Variants in ANKS1B observed in about 807,000 individuals in gnomAD.
ANKS1B encodes ankyrin repeat and sterile alpha motif domain-containing protein 1B.
In ANKS1B, 36 loss-of-function variants were observed where a neutral mutation model predicts 148.3. The ratio of observed to expected loss-of-function variants is 0.24; its 90% CI spans 0.19 to 0.32. The LOEUF (loss-of-function observed/expected upper bound fraction) is 0.32, where lower values mean the gene tolerates loss of function less well. Ranked by LOEUF, ANKS1B falls within the 10% of genes least tolerant of loss-of-function variation. ANKS1B has a pLI of 1.00. For synonymous variants in ANKS1B, 542 were observed against 560.8 expected, an observed-to-expected ratio of 0.97 and a Z score of 0.47; for missense variants, 1,157 against 1,542.6, an observed-to-expected ratio of 0.75 and a Z score of 4.19.
chr12:98,952,832 C>T (rs1343547344), intron 17 of ANKS1B, among the ~76,000 whole-genome samples: 1 of 152,136 alleles, frequency 6.6e-6, no homozygotes. Flanking sequence ...CCTAGTCATC[C>T]AAGTTCAAAA....
chr12:99,393,529 G>A lies in ANKS1B; in HGVS notation c.1756+6102C>T, dbSNP rs12582088. On this transcript the variant is annotated intron_variant, in intron 12 of 26. Coordinates refer to ENST00000683438, the MANE Select transcript of ANKS1B (RefSeq NM_001352186.2). Reference sequence around the variant, plus strand: ...ATTAAATATTATGAACGCAGTGAATGTTATGTCTTTAGAAGTATCAAACAT... The same window carrying A: ...ATTAAATATTATGAACGCAGTGAATATTATGTCTTTAGAAGTATCAAACAT... 3.7e-3 allele frequency among the ~76,000 whole-genome samples: 569 copies of A among 152,292 alleles called. 34 individuals carry two copies. The East Asian group carries it at 0.087, about 23-fold the overall frequency.
chr12:98,984,722 GT>G (rs751561563), intron 17 of ANKS1B, among the ~76,000 whole-genome samples: 6 of 151,976 alleles, frequency 3.9e-5, no homozygotes, highest in Non-Finnish European at 8.8e-5. Context: ...ATTTTAATGG[GT>G]TTTCTGTGGC....
At position 99,669,322 on chromosome 12, in the gene ANKS1B, C is replaced by T. The variant is rs1342415885; in HGVS notation, c.1129-14112G>A. The stretch of plus-strand genomic sequence containing the variant: ...AGTAGCTGGGACTACAGGAATGTCC[C>T]ACCACACTTGGCTCTGAGTGTAGTT... On this transcript the variant is annotated intron_variant, in intron 8 of 26. Transcript: ENST00000683438. Among the ~76,000 whole-genome samples the T allele has an allele frequency of 3.3e-5, 5 of 152,160 alleles. No individual in the cohort carries two copies. The South Asian group carries it at 1.0e-3, about 32-fold the overall frequency.
intron 17 of ANKS1B, among the ~76,000 whole-genome samples, chr12:98,990,329 C>T (rs1304903455): frequency 3.3e-5 from 5 of 151,558 alleles, no homozygotes; most frequent in African/African-American, 4.9e-5. Flanking sequence ...GGTACGGAAA[C>T]GCTACTGATT....
Position 99,841,277 on chromosome 12 carries a change from A to G in ANKS1B, c.135-15888T>C, listed in dbSNP as rs12579884. The stretch of plus-strand genomic sequence containing the variant: ...TTGTGGTTTGTTAAATTTATTTAGG[A>G]TATCTTTCACGATGGTCATACAGCT... On this transcript the variant is annotated intron_variant, in intron 1 of 26. Transcript: ENST00000683438. Among the ~76,000 whole-genome samples the G allele has an allele frequency of 1.7e-3, 252 of 152,186 alleles. 8 individuals carry two copies. The East Asian group carries it at 0.042, about 25-fold the overall frequency.
rs1325821116 is a variant in ANKS1B, at chr12:98,745,732, G to T, written c.*7C>A. The T allele has an allele frequency of 6.2e-7, 1 of 1,613,216 alleles. No homozygotes were observed. The highest frequency in any genetic ancestry group is 1.3e-5 in the African/African-American group (1 of 74,874). On this transcript the variant is annotated 3_prime_UTR_variant, in exon 27 of 27. Transcript: ENST00000683438. ...AAGGCACCGCGAGGACAGGAGGACGGCGAGTATCAGAAAATCGTGGTTTCA... is the reference window on the plus strand; with the variant it reads ...AAGGCACCGCGAGGACAGGAGGACGTCGAGTATCAGAAAATCGTGGTTTCA...
At chr12:99,630,170 A>G (rs1017960871) in intron 9 of ANKS1B, among the ~76,000 whole-genome samples, 5 of 152,218 alleles carry the variant, frequency 3.3e-5, no homozygotes, top group African/African-American at 7.2e-5. Context: ...GCATATTTCT[A>G]TATGTAAATA....
At chr12:99,221,535 T>A (rs2085130479) in intron 14 of ANKS1B, among the ~76,000 whole-genome samples, 1 of 152,100 alleles carries the variant, frequency 6.6e-6, no homozygotes, top group African/African-American at 2.4e-5. Context: ...GGCCAAGGCA[T>A]TTTGAACAGG....
intron 12 of ANKS1B, among the ~76,000 whole-genome samples, chr12:99,291,550 G>C (rs940110120): frequency 3.9e-5 from 6 of 152,074 alleles, no homozygotes; most frequent in Non-Finnish European, 7.4e-5. Context: ...CAGGCACATA[G>C]ACCAATGGAA....
rs552532018 is a variant in ANKS1B, at chr12:99,504,327, T to G, written c.1438+149A>C. 4.8e-4 allele frequency: 364 copies of G among 764,932 alleles called. 4 individuals carry two copies. The South Asian group carries it at 7.1e-3, about 15-fold the overall frequency. The allele number at this position is 764,932 out of a possible 1,614,324, so 47.4% of individuals were successfully genotyped here. ...AAAAAACCTTCTGACCTACCTGGAC[T>G]CACTTCAAAATGAAAAAATAATTAT... is the stretch of plus-strand genomic sequence containing the variant. On this transcript the variant is annotated intron_variant, in intron 10 of 26. Transcript: ENST00000683438.
chr12:99,281,272 T>A (rs1472011949), intron 12 of ANKS1B, among the ~76,000 whole-genome samples: 1 of 152,220 alleles, frequency 6.6e-6, no homozygotes, highest in African/African-American at 2.4e-5. Flanking sequence ...ACTGTAGCAT[T>A]TATTACATGC....
At chr12:99,512,325 G>C (rs2096774827) in intron 9 of ANKS1B, among the ~76,000 whole-genome samples, 1 of 152,000 alleles carries the variant, frequency 6.6e-6, no homozygotes, top group African/African-American at 2.4e-5. Flanking sequence ...CTGATCATTA[G>C]AGAATTTCAA....
intron 1 of ANKS1B, among the ~76,000 whole-genome samples, chr12:99,862,989 G>A (rs1419791212): frequency 6.6e-6 from 1 of 152,196 alleles, no homozygotes; most frequent in African/African-American, 2.4e-5. Context: ...GTATGCTACA[G>A]CAACTCTATC....
downstream of ANKS1B, among the ~76,000 whole-genome samples, chr12:98,742,892 A>G (rs2097812803): frequency 6.6e-6 from 1 of 152,228 alleles, no homozygotes; most frequent in South Asian, 2.1e-4. Flanking sequence ...TGCTGCATGT[A>G]GACTCTGTGC....
chr12:99,358,595 C>T (rs1371510341), intron 12 of ANKS1B, among the ~76,000 whole-genome samples: 1 of 152,010 alleles, frequency 6.6e-6, no homozygotes, highest in Non-Finnish European at 1.5e-5. Context: ...CCTACTAGTA[C>T]CACAGTTTTT....
At chr12:98,907,877 C>T (rs2099781551) in intron 17 of ANKS1B, among the ~76,000 whole-genome samples, 1 of 152,198 alleles carries the variant, frequency 6.6e-6, no homozygotes, top group Non-Finnish European at 1.5e-5. Context: ...CTCATTCTTT[C>T]TCTTGCCTGC....
At chr12:99,313,247 T>A (rs1348425316) in intron 12 of ANKS1B, among the ~76,000 whole-genome samples, 1 of 151,980 alleles carries the variant, frequency 6.6e-6, no homozygotes, top group Admixed American at 6.6e-5. Flanking sequence ...AATAGACCAA[T>A]AACAGTTTGA....
rs1377219682 is a variant in ANKS1B at position 99,806,766 on chromosome 12, AGTAATTTAAAACC to A, written c.373-79_373-67del. ...CAATTTGTTATCAAAATCTTAACAC[AGTAATTTAAAACC>A]TGCAATGCTTTGAAATGTAAGTTAA... On this transcript the variant is annotated intron_variant, in intron 3 of 26. Coordinates refer to ENST00000683438, the MANE Select transcript of ANKS1B (RefSeq NM_001352186.2). 11 of 1,459,100 alleles carry A rather than the reference AGTAATTTAAAACC, an allele frequency of 7.5e-6. No homozygotes were observed. The African/African-American group carries it at 1.5e-4, about 20-fold the overall frequency. The allele number at this position is 1,459,100 out of a possible 1,614,324, so 90.4% of individuals were successfully genotyped here. A position where few individuals can be genotyped will look rare whatever the true frequency, so the allele number is the denominator to read the frequency against.
At chr12:98,739,128 G>T (rs1042799916), downstream of ANKS1B, among the ~76,000 whole-genome samples, 27 of 152,300 alleles carry the variant, frequency 1.8e-4, no homozygotes, top group African/African-American at 6.5e-4. Flanking sequence ...GGTGGAGCTG[G>T]GTTTCTGGTC....
Sources: allele counts gnomAD v4.1 joint callset (sites outside exome capture counted in the v4.1 genomes callset), GRCh38; gene constraint gnomAD v4.1.1; transcripts MANE v1.5; gene names NCBI Gene and HGNC (gene_info 2026-07-23, HGNC 2026-07-21).